ZNF280D: variants seen among roughly 807,000 people sequenced by gnomAD.
ZNF280D encodes the protein zinc finger protein 280D.
ZNF280D carries 39 observed loss-of-function variants against 94.7 expected under a neutral mutation model. The observed-to-expected ratio is 0.41, with a 90% CI of 0.32 to 0.54. ZNF280D has a LOEUF of 0.54. Ranked by LOEUF, ZNF280D falls within the 20% of genes least tolerant of loss-of-function variation. The probability of loss-of-function intolerance (pLI) is 0.22; values close to 1 mark genes in which losing one functional copy is unlikely to be tolerated. For missense variants in ZNF280D, 1,090 were observed against 1,149.3 expected (o/e 0.95, Z 0.75); for synonymous variants, 398 against 377.6 (o/e 1.05, Z -0.63).
chr15:56,703,679 C>A (rs1265892397), intron 4 of ZNF280D, among the ~76,000 whole-genome samples: 2 of 151,902 alleles, frequency 1.3e-5, no homozygotes, highest in South Asian at 2.1e-4. Flanking sequence ...CATGGTGAGA[C>A]CCTGTCTCTA....
At chr15:56,701,327 C>T (rs1227577304) in intron 4 of ZNF280D, 89 bp from the exon 5 acceptor site, 21 of 954,624 alleles carry the variant, frequency 2.2e-5, no homozygotes, top group Non-Finnish European at 2.3e-5. Context: ...AACATTTAAA[C>T]AGATTTATGG....
At chr15:56,698,411 A>G (rs913889070) in intron 6 of ZNF280D, 13 of 152,234 alleles carry the variant, frequency 8.5e-5, no homozygotes, top group Non-Finnish European at 1.9e-4. Context: ...ATTTTTGCTT[A>G]AAAGTTCAAA....
At chr15:56,654,959 C>T (rs528863196) in intron 17 of ZNF280D, 1 of 248,742 alleles carries the variant, frequency 4.0e-6, no homozygotes, top group South Asian at 4.6e-5. Context: ...ACTGTCTATG[C>T]TCGAATGGAG....
In ZNF280D at chr15:56,701,178, C is replaced by A; in HGVS notation, c.236G>T (p.Ser79Ile). Residue 79 changes from serine (S) to isoleucine (I), a missense_variant, in exon 5 of 22, where the codon AGT (serine) becomes ATT (isoleucine). By Grantham distance (142) the Ser-to-Ile change is moderately radical. Transcript: ENST00000267807. The part of the protein sequence containing the change: ...YSRGLKNGAL[S>I]RGITAAFKPT... ...ATAGTATAATAATACTGTACCTCGA[C>A]TGAGTGCACCATTCTTTAGTCCCCT... 6.3e-7 allele frequency: 1 copy of A among 1,594,456 alleles called. No individual in the cohort carries two copies. Among genetic ancestry groups the A allele is most frequent in the Non-Finnish European group, 8.5e-7 (1 of 1,169,924 alleles).
chr15:56,660,577 T>C (rs953762053), intron 16 of ZNF280D, among the ~76,000 whole-genome samples: 20 of 152,082 alleles, frequency 1.3e-4, no homozygotes, highest in Non-Finnish European at 2.6e-4. Flanking sequence ...ATACTACCCT[T>C]CTTCCTATTA....
chr15:56,700,940 G>C lies in ZNF280D; in HGVS notation c.374C>G (p.Ser125Cys). The C allele has an allele frequency of 6.2e-7, 1 of 1,613,870 alleles. No individual in the cohort carries two copies. Among genetic ancestry groups the C allele is most frequent in the Non-Finnish European group, 8.5e-7 (1 of 1,179,846 alleles). ...SDSSVIVQPF[S>C]KPGYITNSSR... ...AGTTTTAGAAACACTTACAGGTTTA[G>C]AAAAAGGCTGAACAATAACAGAACT... The change falls in exon 6 of 22, where the codon TCT (serine) becomes TGT (cysteine). Residue 125 changes from serine (S) to cysteine (C), a missense_variant. Around this residue, in one of 3 missense-constraint regions of ZNF280D, gnomAD observed 386 missense variants for 372.0 expected, o/e 1.04. Coordinates refer to ENST00000267807, the MANE Select transcript of ZNF280D (RefSeq NM_017661.4).
chr15:56,669,936 T>TAA (rs1271370275), intron 13 of ZNF280D, among the ~76,000 whole-genome samples: 4 of 3,928 alleles, frequency 1.0e-3, no homozygotes, highest in Non-Finnish European at 1.7e-3. Context: ...TATATATATA[T>TAA]TATATATATA....
intron 1 of ZNF280D, chr15:56,724,885 T>C (rs1326359370): frequency 2.2e-6 from 1 of 454,340 alleles, no homozygotes; most frequent in Non-Finnish European, 4.4e-6. Context: ...CTATTTTTTT[T>C]CTCATGGAAT....
At chr15:56,674,226 C>A (rs1033299875) in intron 13 of ZNF280D, among the ~76,000 whole-genome samples, 2 of 151,998 alleles carry the variant, frequency 1.3e-5, no homozygotes, top group Non-Finnish European at 2.9e-5. Flanking sequence ...ATTCAATGAA[C>A]ATTTGCCCAG....
At chr15:56,650,105 AT>A (rs1456720526) in intron 19 of ZNF280D, among the ~76,000 whole-genome samples, 1 of 152,094 alleles carries the variant, frequency 6.6e-6, no homozygotes, top group African/African-American at 2.4e-5. Flanking sequence ...TACATTTCTA[AT>A]TCCCTTATTC....
At chr15:56,639,745 C>G (rs1377544797) in intron 20 of ZNF280D, among the ~76,000 whole-genome samples, 2 of 152,068 alleles carry the variant, frequency 1.3e-5, no homozygotes, top group East Asian at 3.8e-4. Flanking sequence ...AGATGCACAC[C>G]TTCTCAGGAA....
At chr15:56,705,185 T>C (rs7167520) in intron 3 of ZNF280D, among the ~76,000 whole-genome samples, 4,819 of 152,280 alleles carry the variant, frequency 0.032, 247 homozygotes, top group African/African-American at 0.11. Flanking sequence ...ATGCCATCAA[T>C]ATCATGAAAC....
chr15:56,705,299 T>C (rs1187317038), intron 3 of ZNF280D, among the ~76,000 whole-genome samples: 1 of 152,162 alleles, frequency 6.6e-6, no homozygotes, highest in East Asian at 1.9e-4. Flanking sequence ...AGCATTTGTG[T>C]TTTTTAAATA....
At chr15:56,664,299 A>G (rs1261681000) in intron 16 of ZNF280D, among the ~76,000 whole-genome samples, 1 of 152,218 alleles carries the variant, frequency 6.6e-6, no homozygotes, top group African/African-American at 2.4e-5. Context: ...TTAATGGTAA[A>G]AAGGAAGACA....
At chr15:56,693,448 C>T (rs1182881236) in intron 6 of ZNF280D, among the ~76,000 whole-genome samples, 1 of 151,832 alleles carries the variant, frequency 6.6e-6, no homozygotes, top group Non-Finnish European at 1.5e-5. Flanking sequence ...TCTACTGAAA[C>T]TGAAAGCAAG....
chr15:56,650,397 G>A (rs371591967), intron 19 of ZNF280D, among the ~76,000 whole-genome samples: 2 of 152,008 alleles, frequency 1.3e-5, no homozygotes, highest in African/African-American at 4.8e-5. Context: ...TTTTCAACTC[G>A]ATTTCACAGA....
intron 4 of ZNF280D, among the ~76,000 whole-genome samples, chr15:56,701,519 T>C (rs977503262): frequency 6.6e-6 from 1 of 152,116 alleles, no homozygotes; most frequent in Admixed American, 6.6e-5. Flanking sequence ...TGACTACAGG[T>C]GAGTCAAAAC....
At chr15:56,643,278 C>T (rs1226298601) in intron 19 of ZNF280D, 3 of 217,784 alleles carry the variant, frequency 1.4e-5, no homozygotes, top group East Asian at 1.9e-4. Flanking sequence ...TTGCTAAGTA[C>T]AATTTAAAAT....
At chr15:56,691,044 G>A (rs1488332316) in intron 7 of ZNF280D, among the ~76,000 whole-genome samples, 1 of 152,016 alleles carries the variant, frequency 6.6e-6, no homozygotes, top group Non-Finnish European at 1.5e-5. Flanking sequence ...CTGCTTTAAG[G>A]ACCAAATAAG....
Sources: gnomAD v4.1 joint callset for allele counts (sites outside exome capture counted in the v4.1 genomes callset) on GRCh38, gnomAD v4.1.1 for gene constraint, gnomAD v4.1.1 regional missense constraint, MANE v1.5 for transcripts, NCBI Gene and HGNC (gene_info 2026-07-23, HGNC 2026-07-21) for gene names.